Variants in PBLD observed in about 807,000 individuals in gnomAD.
PBLD encodes the protein phenazine biosynthesis-like domain-containing protein.
Under a neutral mutation model 31.3 loss-of-function variants are expected in PBLD, and 26 were observed. The ratio of observed to expected loss-of-function variants is 0.83; its 90% CI spans 0.61 to 1.15. PBLD has a LOEUF of 1.15. Among genes scored for constraint, PBLD ranks in the 50% most tolerant of loss-of-function variants. The pLI is 0.00. For missense variants in PBLD, 307 were observed against 351.7 expected (o/e 0.87, Z 1.02); for synonymous variants, 114 against 129.0 (o/e 0.88, Z 0.79).
At chr10:68,313,173 C>A (rs2044693815) in intron 1 of PBLD, among the ~76,000 whole-genome samples, 1 of 152,138 alleles carries the variant, frequency 6.6e-6, no homozygotes, top group African/African-American at 2.4e-5. Flanking sequence ...CTTTGGCCTG[C>A]CAAAGTGCTA....
chr10:68,301,310 G>T (rs1437794436), intron 2 of PBLD, among the ~76,000 whole-genome samples: 1 of 152,192 alleles, frequency 6.6e-6, no homozygotes, highest in Admixed American at 6.5e-5. Context: ...GGGCACCTGT[G>T]GGCCTGGATA....
intron 6 of PBLD, among the ~76,000 whole-genome samples, chr10:68,290,456 A>G (rs10762206): frequency 0.79 from 119,906 of 152,098 alleles, 47,874 homozygotes; most frequent in Non-Finnish European, 0.86. Context: ...GGTGGCTCAC[A>G]CCTGTAATCC....
rs938040800 is a variant in PBLD, at chr10:68,309,933, C to T, written c.-59-3030G>A. 2.7e-5 allele frequency among the ~76,000 whole-genome samples: 4 copies of T among 149,980 alleles called. No individual in the cohort carries two copies. The East Asian group carries it at 8.2e-4, about 31-fold the overall frequency. On this transcript the variant is annotated intron_variant, in intron 1 of 9. Coordinates refer to ENST00000358769, the MANE Select transcript of PBLD (RefSeq NM_022129.4). The stretch of plus-strand genomic sequence containing the variant: ...GGTGGATCACTTGATGTCAGGAGTT[C>T]GAGACCAGCCTGGCCAACACAGTGA...
chr10:68,296,662 T>C (rs1018354665), intron 3 of PBLD, among the ~76,000 whole-genome samples: 1 of 152,146 alleles, frequency 6.6e-6, no homozygotes, highest in Non-Finnish European at 1.5e-5. Context: ...TAAAGATCAT[T>C]CCCCCACCTA....
At chr10:68,295,777 C>A (rs978908804) in intron 4 of PBLD, among the ~76,000 whole-genome samples, 21 of 152,098 alleles carry the variant, frequency 1.4e-4, no homozygotes, top group African/African-American at 4.1e-4. Context: ...CATGGTAAAA[C>A]CCCATCTCTA....
At chr10:68,325,335 A>C (rs534002562) in intron 1 of PBLD, among the ~76,000 whole-genome samples, 1 of 151,966 alleles carries the variant, frequency 6.6e-6, no homozygotes, top group Admixed American at 6.6e-5. Flanking sequence ...TGGCCAAGAG[A>C]GGTGGATCAC....
chr10:68,294,236 C>T (rs10740291), intron 4 of PBLD, among the ~76,000 whole-genome samples: 119,738 of 152,010 alleles, frequency 0.79, 47,794 homozygotes, highest in Middle Eastern at 0.86. Flanking sequence ...CCTCCTCTCG[C>T]TCTAGCTCAT....
intron 1 of PBLD, among the ~76,000 whole-genome samples, chr10:68,327,170 T>C (rs2044935314): frequency 6.6e-6 from 1 of 152,218 alleles, no homozygotes; most frequent in Non-Finnish European, 1.5e-5. Flanking sequence ...GTCTAAGTTT[T>C]GCCATTTACT....
chr10:68,318,687 C>T (rs1044945271), intron 1 of PBLD, among the ~76,000 whole-genome samples: 2 of 152,048 alleles, frequency 1.3e-5, no homozygotes, highest in African/African-American at 4.8e-5. Context: ...AATTAAGTTT[C>T]TGTTAATCTA....
intron 6 of PBLD, among the ~76,000 whole-genome samples, chr10:68,290,647 G>T (rs375546696): frequency 6.6e-6 from 1 of 150,902 alleles, no homozygotes; most frequent in Non-Finnish European, 1.5e-5. Context: ...AACCCAGGAG[G>T]TGAAGGTTGT....
chr10:68,330,429 G>C (rs2045014532), intron 1 of PBLD, among the ~76,000 whole-genome samples: 2 of 152,132 alleles, frequency 1.3e-5, no homozygotes, highest in Admixed American at 6.6e-5. Flanking sequence ...AAAGTCTTTT[G>C]GCCGGACATT....
At chr10:68,289,499 G>A (rs891035373) in intron 6 of PBLD, among the ~76,000 whole-genome samples, 5 of 151,906 alleles carry the variant, frequency 3.3e-5, no homozygotes, top group South Asian at 2.1e-4. Context: ...GGCCGAGATC[G>A]CACCACTGCA....
chr10:68,323,002 A>G (rs2044859556), intron 1 of PBLD, among the ~76,000 whole-genome samples: 1 of 152,090 alleles, frequency 6.6e-6, no homozygotes, highest in Non-Finnish European at 1.5e-5. Context: ...TGGCCTCCCA[A>G]AGTGCTGGGA....
intron 1 of PBLD, among the ~76,000 whole-genome samples, chr10:68,325,653 A>G (rs1564740268): frequency 1.3e-5 from 2 of 152,248 alleles, no homozygotes; most frequent in Admixed American, 1.3e-4. Context: ...AACTTCTCCA[A>G]GATCTGGTTC....
chr10:68,297,728 T>C (rs1270381877), intron 2 of PBLD, among the ~76,000 whole-genome samples: 1 of 152,204 alleles, frequency 6.6e-6, no homozygotes, highest in Admixed American at 6.6e-5. Context: ...AATATTTTTA[T>C]ACCCTTACAA....
intron 4 of PBLD, among the ~76,000 whole-genome samples, chr10:68,294,095 C>A (rs2044394377): frequency 6.6e-6 from 1 of 152,180 alleles, no homozygotes; most frequent in South Asian, 2.1e-4. Context: ...TGTCCCCTAT[C>A]CACAGATACC....
chr10:68,311,644 C>T (rs1418263872), intron 1 of PBLD, among the ~76,000 whole-genome samples: 4 of 144,848 alleles, frequency 2.8e-5, no homozygotes, highest in Non-Finnish European at 3.0e-5. Flanking sequence ...CCCAGCTACT[C>T]GGGAAGCTGA....
chr10:68,297,262 G>A (rs1247981629), intron 2 of PBLD: 4 of 438,850 alleles, frequency 9.1e-6, no homozygotes, highest in Non-Finnish European at 1.7e-5. Flanking sequence ...GTAAGATCTA[G>A]TCTAGCTGAC....
At chr10:68,287,169 G>A (rs2044299604) in intron 8 of PBLD, 2 of 151,650 alleles carry the variant, frequency 1.3e-5, no homozygotes, top group Admixed American at 6.6e-5. Context: ...ATCCTGCCTG[G>A]TTTGCCTGAG....
Sources: gnomAD v4.1 joint callset for allele counts (sites outside exome capture counted in the v4.1 genomes callset) on GRCh38, gnomAD v4.1.1 for gene constraint, MANE v1.5 for transcripts, NCBI Gene and HGNC (gene_info 2026-07-23, HGNC 2026-07-21) for gene names.